Variants in GLIS3 observed in about 807,000 individuals in gnomAD.
The protein encoded by GLIS3 is zinc finger protein GLIS3.
GLIS3 carries 53 observed loss-of-function variants against 78.6 expected under a neutral mutation model. The ratio of observed to expected loss-of-function variants is 0.67; its 90% CI spans 0.54 to 0.85. GLIS3 has a LOEUF of 0.85. Ranked by LOEUF, GLIS3 falls within the 40% of genes least tolerant of loss-of-function variation. The pLI is 0.00. For synonymous variants in GLIS3, 684 were observed against 509.9 expected, an observed-to-expected ratio of 1.34 and a Z score of -4.60; for missense variants, 1,703 against 1,231.1, an observed-to-expected ratio of 1.38 and a Z score of -5.74.
rs187136117 is a variant in GLIS3 at position 4,232,935 on chromosome 9, T to C, written c.388+53103A>G. Among the ~76,000 whole-genome samples, 37 of 152,326 alleles carry C rather than the reference T, an allele frequency of 2.4e-4. 1 individual carries two copies. Among genetic ancestry groups the C allele is most frequent in the African/African-American group, 3.1e-4 (13 of 41,566 alleles). ...TACCTCCAGTGGTAGAATCAGTGTATAGACAAAATGTTTTTGTATTTAAGC... is the reference window on the plus strand; with the variant it reads ...TACCTCCAGTGGTAGAATCAGTGTACAGACAAAATGTTTTTGTATTTAAGC... On this transcript the variant is annotated intron_variant, in intron 2 of 10. Coordinates refer to ENST00000381971, the MANE Select transcript of GLIS3 (RefSeq NM_001042413.2).
intron 2 of GLIS3, among the ~76,000 whole-genome samples, chr9:4,162,692 TA>T (rs1368140744): frequency 3.3e-5 from 5 of 151,256 alleles, no homozygotes; most frequent in Non-Finnish European, 7.4e-5. Flanking sequence ...CCATCTCTAT[TA>T]AAAAATACAA....
At chr9:4,181,818 G>C (rs1267310990) in intron 2 of GLIS3, among the ~76,000 whole-genome samples, 1 of 152,172 alleles carries the variant, frequency 6.6e-6, no homozygotes, top group East Asian at 1.9e-4. Context: ...TTGAGACTGA[G>C]GGGTCACACA....
intron 6 of GLIS3, among the ~76,000 whole-genome samples, chr9:3,930,769 C>T (rs1354697443): frequency 6.6e-6 from 1 of 152,196 alleles, no homozygotes; most frequent in Non-Finnish European, 1.5e-5. Flanking sequence ...AAACCTTACA[C>T]ATTTGCACAA....
Position 4,125,875 on chromosome 9 carries a change from G to A in GLIS3, c.455C>T (p.Thr152Ile), listed in dbSNP as rs370360461. The A allele has an allele frequency of 3.1e-5, 50 of 1,613,870 alleles. No homozygotes were observed. Among genetic ancestry groups the A allele is most frequent in the Non-Finnish European group, 4.2e-5 (49 of 1,179,972 alleles). ...GKGSCNNLVV[T>I]SSPMMVQRLG... The stretch of plus-strand genomic sequence containing the variant: ...TCGCTGAACCATCATGGGACTGCTG[G>A]TGACCACTAGATTGTTGCAGCTGCC... The change falls in exon 3 of 11, where the codon ACC (threonine) becomes ATC (isoleucine). Residue 152 changes from threonine to isoleucine, a missense_variant. Physicochemically the swap from Thr to Ile is moderately conservative, Grantham distance 89. Coordinates refer to ENST00000381971, the MANE Select transcript of GLIS3 (RefSeq NM_001042413.2).
the GLIS3 span, among the ~76,000 whole-genome samples, chr9:4,424,162 T>C: frequency 6.6e-6 from 1 of 152,226 alleles, no homozygotes; most frequent in Non-Finnish European, 1.5e-5. Flanking sequence ...TTTTAAGTGA[T>C]ATTTCAAAAG....
chr9:4,294,380 A>T (rs1816294629), intron 1 of GLIS3, among the ~76,000 whole-genome samples: 1 of 152,102 alleles, frequency 6.6e-6, no homozygotes, highest in Admixed American at 6.6e-5. Context: ...ATGGTGGCAC[A>T]TGCCTGTAAT....
chr9:4,152,999 T>C (rs922361828), intron 2 of GLIS3, among the ~76,000 whole-genome samples: 6 of 152,210 alleles, frequency 3.9e-5, no homozygotes, highest in Non-Finnish European at 7.3e-5. Context: ...CCATAGTTTT[T>C]TGTTGCAAGA....
Position 4,186,403 on chromosome 9 carries a change from G to C in GLIS3, c.389-60462C>G, listed in dbSNP as rs531141251. On this transcript the variant is annotated intron_variant, in intron 2 of 10. Coordinates refer to ENST00000381971, the MANE Select transcript of GLIS3 (RefSeq NM_001042413.2). ...TTTCTTAATCCAGTCTATCATTGTT[G>C]GACATTTGGGTTGGTTGCAAGTCTT... Among the ~76,000 whole-genome samples the C allele has an allele frequency of 4.6e-5, 7 of 151,944 alleles. No individual in the cohort carries two copies. The South Asian group carries it at 1.5e-3, about 32-fold the overall frequency.
upstream of GLIS3, among the ~76,000 whole-genome samples, chr9:4,352,231 G>C (rs559047278): frequency 4.6e-5 from 7 of 152,344 alleles, no homozygotes; most frequent in South Asian, 1.2e-3. Flanking sequence ...GCGACACCCA[G>C]TTGTGTTCTC....
the GLIS3 span, among the ~76,000 whole-genome samples, chr9:4,418,647 C>T: frequency 4.0e-5 from 6 of 151,780 alleles, no homozygotes; most frequent in Non-Finnish European, 7.4e-5. Context: ...TGCAGTGAGC[C>T]GAGATCACGC....
intron 4 of GLIS3, among the ~76,000 whole-genome samples, chr9:4,048,003 G>A (rs1303895765): frequency 6.6e-6 from 1 of 152,150 alleles, no homozygotes; most frequent in African/African-American, 2.4e-5. Flanking sequence ...GGTAAGAAGT[G>A]TGGGCAAGAC....
At chr9:4,288,423 T>C (rs1046057483) in intron 1 of GLIS3, among the ~76,000 whole-genome samples, 8 of 152,190 alleles carry the variant, frequency 5.3e-5, no homozygotes, top group African/African-American at 1.9e-4. Context: ...ACTAAGACCA[T>C]GGTCCAAGTG....
intron 4 of GLIS3, among the ~76,000 whole-genome samples, chr9:4,008,737 G>C (rs1821757576): frequency 6.6e-6 from 1 of 152,164 alleles, no homozygotes; most frequent in Non-Finnish European, 1.5e-5. Flanking sequence ...GGAGGCTTCT[G>C]ACCCTGGTCT....
At chr9:3,991,961 A>AT (rs1820340771) in intron 4 of GLIS3, among the ~76,000 whole-genome samples, 1 of 152,144 alleles carries the variant, frequency 6.6e-6, no homozygotes, top group African/African-American at 2.4e-5. Flanking sequence ...AAGTGCTGGG[A>AT]TTACAGGCAT....
chr9:3,987,699 AAAAAAAAAAGAAAAAG>A (rs1481027042), intron 4 of GLIS3, among the ~76,000 whole-genome samples: 2 of 149,404 alleles, frequency 1.3e-5, no homozygotes, highest in Non-Finnish European at 3.0e-5. Context: ...CAACGTTTAA[AAAAAAAAAAGAAAAAG>A]AAAAGAAAAG....
intron 2 of GLIS3, among the ~76,000 whole-genome samples, chr9:4,178,629 C>T (rs1817008976): frequency 6.6e-6 from 1 of 152,202 alleles, no homozygotes; most frequent in African/African-American, 2.4e-5. Context: ...CCTGACATAG[C>T]AACCACAGTT....
chr9:4,277,918 C>T (rs1827176031), intron 2 of GLIS3, among the ~76,000 whole-genome samples: 1 of 152,160 alleles, frequency 6.6e-6, no homozygotes, highest in African/African-American at 2.4e-5. Context: ...AACACAAATC[C>T]TAGCGAGACT....
At chr9:4,207,738 A>C (rs1820007615) in intron 2 of GLIS3, among the ~76,000 whole-genome samples, 1 of 152,178 alleles carries the variant, frequency 6.6e-6, no homozygotes. Context: ...ACAGCTCATG[A>C]GTAGCAGATG....
At chr9:4,200,333 C>T (rs773439542) in intron 2 of GLIS3, among the ~76,000 whole-genome samples, 19 of 151,292 alleles carry the variant, frequency 1.3e-4, no homozygotes, top group Non-Finnish European at 2.4e-4. Context: ...AAAATTGAGA[C>T]CCAGAAATCC....
Sources: allele counts gnomAD v4.1 joint callset (sites outside exome capture counted in the v4.1 genomes callset), GRCh38; gene constraint gnomAD v4.1.1; transcripts MANE v1.5; gene names NCBI Gene and HGNC (gene_info 2026-07-23, HGNC 2026-07-21).